Variants in COL24A1 observed in about 807,000 individuals in gnomAD.
COL24A1 encodes collagen alpha-1(XXIV) chain.
A neutral mutation model predicts 253.9 loss-of-function variants in COL24A1; 224 were observed. The observed-to-expected ratio is 0.88, with a 90% CI of 0.79 to 0.99. The LOEUF (loss-of-function observed/expected upper bound fraction) is 0.99. Ranked by LOEUF, COL24A1 falls within the 50% of genes least tolerant of loss-of-function variation. COL24A1 has a pLI of 0.00. For synonymous variants in COL24A1, 685 were observed against 673.7 expected (o/e 1.02, Z -0.26); for missense variants, 2,131 against 2,068.5 (o/e 1.03, Z -0.59).
intron 20 of COL24A1, among the ~76,000 whole-genome samples, chr1:85,985,799 T>C (rs1003385136): frequency 6.6e-6 from 1 of 151,772 alleles, no homozygotes; most frequent in Non-Finnish European, 1.5e-5. Flanking sequence ...AAGAGGTGAA[T>C]GAATGCTTCT....
In COL24A1 at chr1:86,116,161, T is replaced by C. The variant is rs897830995; in HGVS notation, c.1492-783A>G. On this transcript the variant is annotated intron_variant, in intron 3 of 59. Coordinates refer to ENST00000370571, the MANE Select transcript of COL24A1 (RefSeq NM_152890.7). ...AACACATATTCATTCATTCATCTGT[T>C]CATTCATTCAATTGTTACTGAGCAC... Among the ~76,000 whole-genome samples, 4 of 112,360 alleles carry C rather than the reference T, an allele frequency of 3.6e-5. No individual in the cohort carries two copies. The Admixed American group carries it at 3.9e-4, about 11-fold the overall frequency. 73.7% of individuals were successfully genotyped at this position (112,360 alleles called of 152,430 possible). A position where few individuals can be genotyped will look rare whatever the true frequency, so the allele number is the denominator to read the frequency against.
chr1:86,023,440 C>A (rs1375440198), intron 14 of COL24A1, among the ~76,000 whole-genome samples: 1 of 152,042 alleles, frequency 6.6e-6, no homozygotes, highest in East Asian at 1.9e-4. Flanking sequence ...TTACTATGTG[C>A]CAGACATCCT....
intron 14 of COL24A1, among the ~76,000 whole-genome samples, chr1:86,023,850 C>T (rs762049973): frequency 2.6e-5 from 4 of 152,006 alleles, no homozygotes; most frequent in Non-Finnish European, 5.9e-5. Context: ...TCACTGAGGT[C>T]TCCTTTTTCT....
At chr1:85,761,488 A>G (rs1570493363) in intron 54 of COL24A1, 43 bp downstream of exon 54, 1 of 1,613,966 alleles carries the variant, frequency 6.2e-7, no homozygotes, top group Non-Finnish European at 8.5e-7. Flanking sequence ...AGGCAAACAT[A>G]TAAGCATCAA....
At position 86,069,606 on chromosome 1, in the gene COL24A1, C is replaced by T. The variant is rs549823682; in HGVS notation, c.1708-5847G>A. Among the ~76,000 whole-genome samples the T allele has an allele frequency of 3.9e-5, 6 of 152,114 alleles. No homozygotes were observed. The South Asian group carries it at 6.2e-4, about 16-fold the overall frequency. Reference sequence around the variant, plus strand: ...TGACCCAGCACAGTTCCAGTGGTGACGGCCACAGGGTGCCTGTATCTCCAC... The same window carrying T: ...TGACCCAGCACAGTTCCAGTGGTGATGGCCACAGGGTGCCTGTATCTCCAC... On this transcript the variant is annotated intron_variant, in intron 7 of 59. Coordinates refer to ENST00000370571, the MANE Select transcript of COL24A1 (RefSeq NM_152890.7).
chr1:85,875,794 G>T (rs1212293108), intron 33 of COL24A1, among the ~76,000 whole-genome samples: 1 of 148,730 alleles, frequency 6.7e-6, no homozygotes, highest in Non-Finnish European at 1.5e-5. Flanking sequence ...CTTCTTTCAT[G>T]GTGGGTCCAT....
intron 37 of COL24A1, among the ~76,000 whole-genome samples, chr1:85,861,559 AT>A (rs893781924): frequency 9.2e-5 from 14 of 152,048 alleles, no homozygotes; most frequent in Non-Finnish European, 1.3e-4. Context: ...TTTGGAGTTC[AT>A]TTTTTTCTGC....
At chr1:85,958,369 C>CT (rs1161188778) in intron 24 of COL24A1, among the ~76,000 whole-genome samples, 2 of 151,932 alleles carry the variant, frequency 1.3e-5, no homozygotes, top group African/African-American at 4.8e-5. Flanking sequence ...GTCCCTTGTA[C>CT]TATTTTTTAT....
intron 28 of COL24A1, among the ~76,000 whole-genome samples, chr1:85,902,269 C>T (rs1462964337): frequency 6.6e-6 from 1 of 152,180 alleles, no homozygotes; most frequent in Non-Finnish European, 1.5e-5. Flanking sequence ...CTTCTCCATA[C>T]CAGTATGAGA....
intron 24 of COL24A1, among the ~76,000 whole-genome samples, chr1:85,954,743 G>C (rs899102349): frequency 6.6e-6 from 1 of 152,034 alleles, no homozygotes; most frequent in Non-Finnish European, 1.5e-5. Context: ...TTACATAGAA[G>C]GTATACAACA....
At chr1:85,789,380 G>C (rs566943956) in intron 47 of COL24A1, among the ~76,000 whole-genome samples, 7 of 152,218 alleles carry the variant, frequency 4.6e-5, no homozygotes, top group African/African-American at 1.7e-4. Context: ...TGGTGTATGG[G>C]AATGCTTGTG....
chr1:85,957,344 A>G (rs1690571531), intron 24 of COL24A1, among the ~76,000 whole-genome samples: 1 of 152,194 alleles, frequency 6.6e-6, no homozygotes, highest in African/African-American at 2.4e-5. Flanking sequence ...GTATCCCAGA[A>G]CTTAAAGTAT....
rs1216295283 is a variant in COL24A1 at position 85,734,964 on chromosome 1, A to G, written c.4783T>C (p.Leu1595=). The change falls in exon 59 of 60, where the codon TTG becomes CTG. Residue 1595 remains leucine (L), a splice_region_variant and synonymous_variant. Transcript: ENST00000370571. The part of the protein sequence containing the change: ...TCLPPVSVTK[L]EFGVGKVQMN... ...TGGACTTTCCCAACTCCAAACTCCA[A>G]CTAATGTCATAGAAATGATATGCAG... 1.9e-6 allele frequency: 3 copies of G among 1,613,836 alleles called. No homozygotes were observed. Among genetic ancestry groups the G allele is most frequent in the Non-Finnish European group, 1.7e-6 (2 of 1,179,822 alleles).
Position 85,838,580 on chromosome 1 carries a change from A to G in COL24A1, c.3681+5T>C, listed in dbSNP as rs370335962. 1.4e-5 allele frequency: 23 copies of G among 1,613,112 alleles called. No individual in the cohort carries two copies. The highest frequency in any genetic ancestry group is 2.0e-5 in the Non-Finnish European group (23 of 1,179,228). ...TCATTAGTAAGGGGTATAACTTGCA[A>G]TTACCTTATATCCCTCTGCTCCAGG... is the stretch of plus-strand genomic sequence containing the variant. On this transcript the variant is annotated splice_donor_5th_base_variant and intron_variant, in intron 43 of 59. Transcript: ENST00000370571.
At chr1:86,114,071 A>G (rs571568264) in intron 4 of COL24A1, among the ~76,000 whole-genome samples, 12 of 152,252 alleles carry the variant, frequency 7.9e-5, no homozygotes, top group African/African-American at 2.4e-4. Flanking sequence ...GGAAAAATTA[A>G]TATCAATGAA....
intron 11 of COL24A1, among the ~76,000 whole-genome samples, chr1:86,047,088 C>G (rs1441292783): frequency 1.3e-5 from 2 of 152,182 alleles, no homozygotes; most frequent in East Asian, 3.8e-4. Flanking sequence ...AGGAATCTAT[C>G]CCATCTATAC....
chr1:85,957,622 A>C (rs1409036257), intron 24 of COL24A1, among the ~76,000 whole-genome samples: 1 of 152,134 alleles, frequency 6.6e-6, no homozygotes, highest in South Asian at 2.1e-4. Flanking sequence ...CCAATCTGTT[A>C]TCTCAAATAT....
intron 52 of COL24A1, 104 bp from the exon 53 acceptor site, chr1:85,775,813 T>C (rs978400554): frequency 6.3e-6 from 6 of 955,502 alleles, no homozygotes; most frequent in Non-Finnish European, 8.0e-6. Context: ...TATTTTTGCT[T>C]TTTCTATATA....
At chr1:85,809,950 A>G (rs1263457469) in intron 47 of COL24A1, among the ~76,000 whole-genome samples, 1 of 151,906 alleles carries the variant, frequency 6.6e-6, no homozygotes, top group Non-Finnish European at 1.5e-5. Flanking sequence ...TCATTAAACA[A>G]TAACTCTCCA....
Sources: gnomAD v4.1 joint callset for allele counts (sites outside exome capture counted in the v4.1 genomes callset) on GRCh38, gnomAD v4.1.1 for gene constraint, MANE v1.5 for transcripts, NCBI Gene and HGNC (gene_info 2026-07-23, HGNC 2026-07-21) for gene names.